Variants in ZNF431 observed in about 807,000 individuals in gnomAD.
ZNF431 encodes the protein zinc finger protein 431.
Under a neutral mutation model 57.0 loss-of-function variants are expected in ZNF431, and 34 were observed. The ratio of observed to expected loss-of-function variants is 0.60; its 90% confidence interval spans 0.45 to 0.79. The LOEUF (loss-of-function observed/expected upper bound fraction) is 0.79. ZNF431 is among the 30% of genes least tolerant of loss of function. The pLI is 0.00. For synonymous variants in ZNF431, 207 were observed against 220.3 expected (o/e 0.94, Z 0.54); for missense variants, 607 against 667.1 (o/e 0.91, Z 0.99).
intron 4 of ZNF431, among the ~76,000 whole-genome samples, chr19:21,176,046 C>T (rs1224500925): frequency 2.0e-5 from 3 of 152,168 alleles, no homozygotes; most frequent in Non-Finnish European, 2.9e-5. Flanking sequence ...CCACCAAAAG[C>T]GTAACAGTAT....
chr19:21,146,754 C>G (rs192231050), intron 2 of ZNF431, among the ~76,000 whole-genome samples: 22 of 152,270 alleles, frequency 1.4e-4, no homozygotes, highest in African/African-American at 5.1e-4. Flanking sequence ...CTTGTGCTGA[C>G]CTTCTTTCCT....
At position 21,192,437 on chromosome 19, in the gene ZNF431, A is replaced by G. The variant is rs1378021640; in HGVS notation, c.*8403A>G. 1.3e-5 allele frequency: 2 copies of G among 152,254 alleles called. No homozygotes were observed. Among genetic ancestry groups the G allele is most frequent in the African/African-American group, 4.8e-5 (2 of 41,460 alleles). 9.4% of individuals were successfully genotyped at this position (152,254 alleles called of 1,614,324 possible). Reference sequence around the variant, plus strand: ...CACCTCGGCCTCCCAAAGTGCTGGAATTACAGGCAGGAGTCACTGCACCTT... The same window carrying G: ...CACCTCGGCCTCCCAAAGTGCTGGAGTTACAGGCAGGAGTCACTGCACCTT... On this transcript the variant is annotated 3_prime_UTR_variant, in exon 5 of 5. Coordinates refer to ENST00000311048, the MANE Select transcript of ZNF431 (RefSeq NM_133473.4).
rs1180694931 is a variant in ZNF431, at chr19:21,184,696, A to G, written c.*662A>G. 6.6e-6 allele frequency: 1 copy of G among 152,642 alleles called. No individual in the cohort carries two copies. The highest frequency in any genetic ancestry group is 1.9e-4 in the East Asian group (1 of 5,194). 9.5% of individuals were successfully genotyped at this position (152,642 alleles called of 1,614,324 possible). A position where few individuals can be genotyped will look rare whatever the true frequency, so the allele number is the denominator to read the frequency against. On this transcript the variant is annotated 3_prime_UTR_variant, in exon 5 of 5. Transcript: ENST00000311048. Reference sequence around the variant, plus strand: ...TGCTAGGAAAGCATTTATACTTGAGATAAATTATACAAATATAAAGACTGT... The same window carrying G: ...TGCTAGGAAAGCATTTATACTTGAGGTAAATTATACAAATATAAAGACTGT...
intron 2 of ZNF431, among the ~76,000 whole-genome samples, chr19:21,154,648 T>C (rs910995555): frequency 3.3e-5 from 5 of 151,998 alleles, no homozygotes; most frequent in African/African-American, 4.8e-5. Context: ...AGTGTAAAAG[T>C]GTTCCTATTT....
chr19:21,165,945 C>G lies in ZNF431; in HGVS notation c.97-390C>G, dbSNP rs550201858. 2.2e-4 allele frequency among the ~76,000 whole-genome samples: 33 copies of G among 152,274 alleles called. No homozygotes were observed. The South Asian group carries it at 4.4e-3, about 20-fold the overall frequency. On this transcript the variant is annotated intron_variant, in intron 2 of 4. Transcript: ENST00000311048. ...TATAAAAAAATCTTCATGGCAGGAT[C>G]TCCAGTTTATCGTGCACATTTAAAT... is the stretch of plus-strand genomic sequence containing the variant.
chr19:21,176,495 G>A (rs899002380), intron 4 of ZNF431, among the ~76,000 whole-genome samples: 1 of 151,740 alleles, frequency 6.6e-6, no homozygotes, highest in Admixed American at 6.6e-5. Context: ...CTCCCACCTC[G>A]GCCTCCCAAA....
In ZNF431 at chr19:21,182,696, G is replaced by T. The variant is rs780286510; in HGVS notation, c.393G>T (p.Leu131=). The T allele has an allele frequency of 1.2e-6, 2 of 1,613,842 alleles. No individual in the cohort carries two copies. The highest frequency in any genetic ancestry group is 1.7e-5 in the Admixed American group (1 of 60,014). Residue 131 remains leucine (L), a synonymous_variant, in exon 5 of 5, where the codon CTG becomes CTT. Transcript: ENST00000311048. The stretch of plus-strand genomic sequence containing the variant: ...AAGATTCTTTTCAACAAGTAATACT[G>T]AGAAGATATGGCAAATGTGAACATG... ...DIKDSFQQVI[L]RRYGKCEHEN... is the part of the protein sequence containing the mutation.
chr19:21,179,749 G>A (rs1404534074), intron 4 of ZNF431, among the ~76,000 whole-genome samples: 5 of 151,800 alleles, frequency 3.3e-5, no homozygotes, highest in Admixed American at 6.6e-5. Context: ...TAGTAGAGAC[G>A]GGGTTTCACC....
intron 2 of ZNF431, among the ~76,000 whole-genome samples, chr19:21,158,164 C>T (rs1239268503): frequency 6.6e-6 from 1 of 151,954 alleles, no homozygotes; most frequent in Non-Finnish European, 1.5e-5. Context: ...TATCTGTGAG[C>T]ATAACATGTT....
chr19:21,186,478 A>C lies in ZNF431; in HGVS notation c.*2444A>C, dbSNP rs1178183816. 6.6e-6 allele frequency: 1 copy of C among 152,190 alleles called. No individual in the cohort carries two copies. The highest frequency in any genetic ancestry group is 1.5e-5 in the Non-Finnish European group (1 of 68,028). The allele number at this position is 152,190 out of a possible 1,614,324, so 9.4% of individuals were successfully genotyped here. ...TGAGTATGAGTTTGTACATATTTTC[A>C]GAAGGAAAGAATGATACGGGAACAA... On this transcript the variant is annotated 3_prime_UTR_variant, in exon 5 of 5. Coordinates refer to ENST00000311048, the MANE Select transcript of ZNF431 (RefSeq NM_133473.4).
intron 4 of ZNF431, among the ~76,000 whole-genome samples, chr19:21,175,829 TGG>T (rs1971033612): frequency 5.9e-5 from 9 of 152,244 alleles, no homozygotes; most frequent in Admixed American, 3.9e-4. Context: ...CTGTCATAGA[TGG>T]GCATTTGGGT....
intron 2 of ZNF431, among the ~76,000 whole-genome samples, chr19:21,161,297 C>CA: frequency 6.6e-6 from 1 of 152,026 alleles, no homozygotes; most frequent in East Asian, 1.9e-4. Flanking sequence ...TAGATGTGTA[C>CA]AAAAAAACTT....
chr19:21,145,468 C>T (rs1190098914), intron 2 of ZNF431, among the ~76,000 whole-genome samples: 2 of 152,132 alleles, frequency 1.3e-5, no homozygotes, highest in African/African-American at 4.8e-5. Context: ...CAGAGCGAGA[C>T]TCCATCTCAA....
intron 2 of ZNF431, among the ~76,000 whole-genome samples, chr19:21,148,436 T>C (rs1970169709): frequency 6.6e-6 from 1 of 152,240 alleles, no homozygotes; most frequent in South Asian, 2.1e-4. Context: ...GTCATTTTTA[T>C]CTCAATGTTC....
intron 2 of ZNF431, among the ~76,000 whole-genome samples, chr19:21,157,818 G>A (rs954301289): frequency 3.3e-5 from 5 of 151,312 alleles, no homozygotes; most frequent in East Asian, 1.9e-4. Context: ...GTGAGCCACC[G>A]CACCCGGCCA....
At chr19:21,165,898 T>TA (rs1970706225) in intron 2 of ZNF431, among the ~76,000 whole-genome samples, 1 of 152,176 alleles carries the variant, frequency 6.6e-6, no homozygotes, top group Non-Finnish European at 1.5e-5. Flanking sequence ...AACTCAGACT[T>TA]TATTCCAGAT....
chr19:21,184,077 C>T lies in ZNF431; in HGVS notation c.*43C>T, dbSNP rs142847540. The T allele has an allele frequency of 1.5e-3, 2,234 of 1,502,814 alleles. 8 individuals are homozygous for T. In the Middle Eastern group the frequency reaches 0.015, roughly 10 times the overall value. 93.1% of individuals were successfully genotyped at this position (1,502,814 alleles called of 1,614,324 possible). A position where few individuals can be genotyped will look rare whatever the true frequency, so the allele number is the denominator to read the frequency against. On this transcript the variant is annotated 3_prime_UTR_variant, in exon 5 of 5. Coordinates refer to ENST00000311048, the MANE Select transcript of ZNF431 (RefSeq NM_133473.4). The stretch of plus-strand genomic sequence containing the variant: ...CTAAGCATTAAATATTGGCCGGGTG[C>T]GGTGGCTTATGCAAAATGGCTCCCA...
intron 4 of ZNF431, among the ~76,000 whole-genome samples, chr19:21,180,276 G>C (rs777644366): frequency 8.5e-5 from 13 of 152,152 alleles, no homozygotes; most frequent in Non-Finnish European, 2.9e-5. Flanking sequence ...TAGCATAATT[G>C]ATCTTTGTAC....
rs150833830 is a variant in ZNF431 at position 21,161,468 on chromosome 19, A to T, written c.97-4867A>T. On this transcript the variant is annotated intron_variant, in intron 2 of 4. Coordinates refer to ENST00000311048, the MANE Select transcript of ZNF431 (RefSeq NM_133473.4). ...AAATTATCCTAGAAAACCTTGAGAGATTTGTTTAAGTTGCTTATTATTATA... is the reference window on the plus strand; with the variant it reads ...AAATTATCCTAGAAAACCTTGAGAGTTTTGTTTAAGTTGCTTATTATTATA... 1.5e-3 allele frequency among the ~76,000 whole-genome samples: 235 copies of T among 152,250 alleles called. 2 individuals carry two copies. Among genetic ancestry groups the T allele is most frequent in the Middle Eastern group, 6.8e-3 (2 of 294 alleles).
Sources: allele counts gnomAD v4.1 joint callset (sites outside exome capture counted in the v4.1 genomes callset), GRCh38; gene constraint gnomAD v4.1.1; transcripts MANE v1.5; gene names NCBI Gene and HGNC (gene_info 2026-07-23, HGNC 2026-07-21).